GPC5: variants seen among roughly 807,000 people sequenced by gnomAD.
The protein encoded by GPC5 is glypican-5.
A neutral mutation model predicts 53.9 loss-of-function variants in GPC5; 47 were observed. The ratio of observed to expected loss-of-function variants is 0.87; its 90% confidence interval spans 0.69 to 1.11. The LOEUF (loss-of-function observed/expected upper bound fraction) is 1.11, where lower values mean the gene tolerates loss of function less well. GPC5 is among the 50% of genes most tolerant of loss of function. The probability of loss-of-function intolerance (pLI) is 0.00; values close to 1 mark genes in which losing one functional copy is unlikely to be tolerated. For synonymous variants in GPC5, 286 were observed against 263.3 expected (o/e 1.09, Z -0.84); for missense variants, 748 against 713.1 (o/e 1.05, Z -0.56).
intron 7 of GPC5, among the ~76,000 whole-genome samples, chr13:92,262,821 G>A (rs1384861681): frequency 1.3e-5 from 2 of 152,132 alleles, no homozygotes; most frequent in African/African-American, 4.8e-5. Flanking sequence ...ACTAAAAAAG[G>A]TTGAGACTAA....
chr13:91,757,458 T>A (rs1466784957), intron 5 of GPC5, among the ~76,000 whole-genome samples: 1 of 152,096 alleles, frequency 6.6e-6, no homozygotes, highest in African/African-American at 2.4e-5. Context: ...GTTCCCGTAA[T>A]CCCCAGGTGA....
intron 6 of GPC5, chr13:91,995,616 G>A (rs966910050): frequency 6.6e-6 from 1 of 152,040 alleles, no homozygotes; most frequent in African/African-American, 2.4e-5. Flanking sequence ...ATAATGCCTC[G>A]AATATAGTAA....
At chr13:91,659,846 A>G (rs2034942284) in intron 2 of GPC5, among the ~76,000 whole-genome samples, 1 of 152,178 alleles carries the variant, frequency 6.6e-6, no homozygotes, top group Admixed American at 6.5e-5. Context: ...CAGTTCTGAG[A>G]GAAGCTGTCA....
At chr13:91,612,053 A>G (rs753064497) in intron 2 of GPC5, among the ~76,000 whole-genome samples, 5 of 152,186 alleles carry the variant, frequency 3.3e-5, no homozygotes, top group Admixed American at 6.5e-5. Flanking sequence ...TCTGTTATTC[A>G]GTCATTTTGC....
At chr13:92,572,687 C>T (rs1883068088) in intron 7 of GPC5, among the ~76,000 whole-genome samples, 1 of 152,010 alleles carries the variant, frequency 6.6e-6, no homozygotes, top group African/African-American at 2.4e-5. Context: ...TTACATTAAC[C>T]TTTTTTCCCA....
intron 2 of GPC5, among the ~76,000 whole-genome samples, chr13:91,595,302 C>A (rs1023414103): frequency 6.6e-6 from 1 of 152,114 alleles, no homozygotes; most frequent in Non-Finnish European, 1.5e-5. Context: ...GCGTGAGGCA[C>A]CGTGCCCGGC....
At chr13:92,816,971 A>G (rs1416721643) in intron 7 of GPC5, among the ~76,000 whole-genome samples, 6 of 151,950 alleles carry the variant, frequency 3.9e-5, no homozygotes, top group Non-Finnish European at 8.8e-5. Context: ...GATGTTCTCT[A>G]AATCAGTTGC....
intron 7 of GPC5, among the ~76,000 whole-genome samples, chr13:92,166,993 C>T (rs1481213499): frequency 7.0e-6 from 1 of 143,540 alleles, no homozygotes; most frequent in Non-Finnish European, 1.5e-5. Context: ...CACACACACA[C>T]ACATATACAC....
At chr13:91,676,672 A>G (rs2035391590) in intron 2 of GPC5, among the ~76,000 whole-genome samples, 1 of 152,204 alleles carries the variant, frequency 6.6e-6, no homozygotes, top group Non-Finnish European at 1.5e-5. Flanking sequence ...TCATTCTGGA[A>G]CAGTGAAACA....
chr13:92,730,615 C>A (rs555352148), intron 7 of GPC5, among the ~76,000 whole-genome samples: 2 of 148,608 alleles, frequency 1.3e-5, no homozygotes, highest in Non-Finnish European at 3.0e-5. Context: ...TTTTTTTTTG[C>A]AAGCGGATGT....
At chr13:92,760,795 C>A (rs1190862636) in intron 7 of GPC5, among the ~76,000 whole-genome samples, 1 of 152,102 alleles carries the variant, frequency 6.6e-6, no homozygotes, top group African/African-American at 2.4e-5. Context: ...TTGCTATAAA[C>A]TTCCCCCTTA....
At position 92,543,503 on chromosome 13, in the gene GPC5, T is replaced by C. The variant is rs567059210; in HGVS notation, c.1562-322779T>C. On this transcript the variant is annotated intron_variant, in intron 7 of 7. Transcript: ENST00000377067. ...TCCAAGGTACTAGTTTCTCAGAAAG[T>C]AGGGTACTGCTTCAGCTCAGGCGTA... Among the ~76,000 whole-genome samples the C allele has an allele frequency of 3.5e-3, 537 of 152,012 alleles. 1 individual carries two copies. Among genetic ancestry groups the C allele is most frequent in the African/African-American group, 0.012 (499 of 41,412 alleles).
At chr13:92,123,424 T>C (rs2041667471) in intron 6 of GPC5, among the ~76,000 whole-genome samples, 1 of 152,168 alleles carries the variant, frequency 6.6e-6, no homozygotes, top group Admixed American at 6.5e-5. Context: ...CTTTAAAATA[T>C]GATAATAAAA....
At chr13:91,451,807 G>A (rs1594107600) in intron 2 of GPC5, among the ~76,000 whole-genome samples, 1 of 151,136 alleles carries the variant, frequency 6.6e-6, no homozygotes, top group African/African-American at 2.4e-5. Context: ...TAGTAGAGAC[G>A]GGGTTTCAAC....
intron 6 of GPC5, among the ~76,000 whole-genome samples, chr13:91,941,873 C>T (rs1375506603): frequency 6.6e-6 from 1 of 151,538 alleles, no homozygotes; most frequent in Non-Finnish European, 1.5e-5. Flanking sequence ...GTTATATTTC[C>T]TTCCCTCATG....
intron 2 of GPC5, among the ~76,000 whole-genome samples, chr13:91,579,624 CTTTTTT>C (rs3055895): frequency 3.9e-5 from 4 of 102,604 alleles, no homozygotes; most frequent in South Asian, 3.5e-4. Flanking sequence ...TTTTCTTTTT[CTTTTTT>C]TTTTTTTTTT....
At chr13:92,044,568 G>A (rs539066638) in intron 6 of GPC5, among the ~76,000 whole-genome samples, 3 of 152,310 alleles carry the variant, frequency 2.0e-5, no homozygotes, top group East Asian at 1.9e-4. Flanking sequence ...CTTGCACTAC[G>A]ATATCTGATT....
intron 6 of GPC5, among the ~76,000 whole-genome samples, chr13:91,963,107 C>T (rs2040141648): frequency 6.6e-6 from 1 of 152,006 alleles, no homozygotes; most frequent in Non-Finnish European, 1.5e-5. Context: ...TATTTCTGTA[C>T]CTCTGACTTC....
chr13:91,658,704 G>C (rs2034908650), intron 2 of GPC5, among the ~76,000 whole-genome samples: 1 of 152,102 alleles, frequency 6.6e-6, no homozygotes, highest in Non-Finnish European at 1.5e-5. Context: ...CCTAAGCTCT[G>C]TGGGGTCTGT....
Sources: allele counts gnomAD v4.1 joint callset (sites outside exome capture counted in the v4.1 genomes callset), GRCh38; gene constraint gnomAD v4.1.1; transcripts MANE v1.5; gene names NCBI Gene and HGNC (gene_info 2026-07-23, HGNC 2026-07-21).